The following WLS variants were observed in gnomAD, a reference collection of about 807,000 sequenced individuals.
WLS encodes the protein Wnt ligand secretion mediator.
In WLS, 23 loss-of-function variants were observed where a neutral mutation model predicts 62.8. That is an observed-to-expected ratio of 0.37 (90% confidence interval 0.26 to 0.52). The LOEUF (loss-of-function observed/expected upper bound fraction) is 0.52. WLS is among the 20% of genes least tolerant of loss of function. The pLI, the probability that WLS is intolerant of heterozygous loss-of-function variation, is 0.92. For missense variants in WLS, 615 were observed against 697.3 expected (o/e 0.88, Z 1.33); for synonymous variants, 246 against 244.1 (o/e 1.01, Z -0.07).
At chr1:68,113,394 A>G (rs934040403) in intron 11 of WLS, among the ~76,000 whole-genome samples, 2 of 152,118 alleles carry the variant, frequency 1.3e-5, no homozygotes, top group African/African-American at 2.4e-5. Context: ...GACCCTAGTA[A>G]TCTACTCATT....
chr1:68,129,734 C>G (rs933052459), intron 11 of WLS, among the ~76,000 whole-genome samples: 26 of 152,298 alleles, frequency 1.7e-4, no homozygotes, highest in African/African-American at 6.0e-4. Flanking sequence ...CTGCCAAGGT[C>G]TTGCTCCATC....
At chr1:68,141,597 A>G (rs1274687482) in intron 10 of WLS, 1 of 152,126 alleles carries the variant, frequency 6.6e-6, no homozygotes, top group Non-Finnish European at 1.5e-5. Flanking sequence ...CAGAGCTTCA[A>G]TATCCTGGCG....
intron 2 of WLS, chr1:68,162,456 G>A (rs1355307061): frequency 1.2e-6 from 2 of 1,613,834 alleles, no homozygotes; most frequent in Admixed American, 1.7e-5. Context: ...CATCCTGCAA[G>A]TAGGGGTCAT....
At chr1:68,197,593 C>T (rs915079340) in intron 1 of WLS, among the ~76,000 whole-genome samples, 1 of 152,068 alleles carries the variant, frequency 6.6e-6, no homozygotes, top group Non-Finnish European at 1.5e-5. Context: ...AGTTAATGTT[C>T]CCCCAATAAT....
intron 2 of WLS, among the ~76,000 whole-genome samples, chr1:68,191,986 C>T (rs1648335221): frequency 6.6e-6 from 1 of 152,142 alleles, no homozygotes; most frequent in Non-Finnish European, 1.5e-5. Context: ...TTTCCATATC[C>T]TCCTGGGCAT....
At chr1:68,102,182 G>A (rs112911388) in intron 11 of WLS, among the ~76,000 whole-genome samples, 2 of 152,316 alleles carry the variant, frequency 1.3e-5, no homozygotes, top group African/African-American at 4.8e-5. Context: ...TTCTCCTCCT[G>A]CATTCTTCCC....
rs1646325353 is a variant in WLS, at chr1:68,118,702, C to T, written c.1510+19078G>A. ...CAGCCTGGCCAACATGGTGAAACCC[C>T]ATCTCTACTAAAAATACAAAAAATT... On this transcript the variant is annotated intron_variant, in intron 11 of 11. Coordinates refer to the WLS transcript ENST00000354777. Among the ~76,000 whole-genome samples, 10 of 151,568 alleles carry T rather than the reference C, an allele frequency of 6.6e-5. No individual in the cohort carries two copies. The South Asian group carries it at 2.1e-3, about 32-fold the overall frequency.
At chr1:68,186,585 C>G in intron 2 of WLS, 2 of 455,778 alleles carry the variant, frequency 4.4e-6, no homozygotes, top group Non-Finnish European at 8.8e-6. Context: ...AAGCAGGAAG[C>G]CATCATGTGT....
chr1:68,102,557 G>A (rs1274337638), intron 11 of WLS: 1 of 152,138 alleles, frequency 6.6e-6, no homozygotes, highest in Non-Finnish European at 1.5e-5. Flanking sequence ...AAGGTCATCT[G>A]ATTGCAGGTC....
chr1:68,213,826 C>T (rs538851658), intron 1 of WLS, among the ~76,000 whole-genome samples: 73 of 152,228 alleles, frequency 4.8e-4, no homozygotes, highest in African/African-American at 1.7e-3. Flanking sequence ...CCTTCTGTAG[C>T]CCATGGCTAA....
At chr1:68,162,527 C>CA in intron 2 of WLS, 1 of 1,611,138 alleles carries the variant, frequency 6.2e-7, no homozygotes, top group Non-Finnish European at 8.5e-7. Context: ...CCCCTGCGAT[C>CA]AAAGCCGATG....
intron 1 of WLS, among the ~76,000 whole-genome samples, chr1:68,198,326 T>C (rs1248380676): frequency 6.6e-6 from 1 of 152,232 alleles, no homozygotes; most frequent in Non-Finnish European, 1.5e-5. Flanking sequence ...CAGTCCATTA[T>C]GAATTCAGTT....
chr1:68,196,904 A>G (rs549636957), intron 1 of WLS, among the ~76,000 whole-genome samples: 2 of 152,300 alleles, frequency 1.3e-5, no homozygotes, highest in African/African-American at 4.8e-5. Context: ...GCCCACTGAC[A>G]TTAGAAAAGC....
chr1:68,219,288 G>A (rs995483885), intron 1 of WLS, among the ~76,000 whole-genome samples: 1 of 152,158 alleles, frequency 6.6e-6, no homozygotes, highest in Non-Finnish European at 1.5e-5. Flanking sequence ...GTAGGCATAG[G>A]TAATGAAACT....
At chr1:68,106,563 C>T (rs914435232) in intron 11 of WLS, among the ~76,000 whole-genome samples, 7 of 152,328 alleles carry the variant, frequency 4.6e-5, no homozygotes, top group South Asian at 2.1e-4. Context: ...ATTCCAGAAA[C>T]GTGTCCCTTG....
chr1:68,115,229 T>C (rs964397685), intron 11 of WLS, among the ~76,000 whole-genome samples: 1 of 152,210 alleles, frequency 6.6e-6, no homozygotes, highest in Non-Finnish European at 1.5e-5. Flanking sequence ...AAGAGGTGGC[T>C]TAACCCTCTC....
intron 11 of WLS, among the ~76,000 whole-genome samples, chr1:68,118,712 A>G (rs964204295): frequency 1.3e-5 from 2 of 151,750 alleles, no homozygotes; most frequent in African/African-American, 4.8e-5. Context: ...CATCTCTACT[A>G]AAAATACAAA....
At chr1:68,182,320 C>A (rs1220667133) in intron 2 of WLS, among the ~76,000 whole-genome samples, 1 of 152,192 alleles carries the variant, frequency 6.6e-6, no homozygotes, top group Admixed American at 6.5e-5. Context: ...ATGTGCTTAA[C>A]AATAATCACA....
chr1:68,118,558 T>G (rs1383802026), intron 11 of WLS, among the ~76,000 whole-genome samples: 2 of 152,190 alleles, frequency 1.3e-5, no homozygotes, highest in Non-Finnish European at 2.9e-5. Flanking sequence ...TATTGTTTAC[T>G]GATCTGCCCC....
Sources: gnomAD v4.1 joint callset for allele counts (sites outside exome capture counted in the v4.1 genomes callset) on GRCh38, gnomAD v4.1.1 for gene constraint, MANE v1.5 for transcripts, NCBI Gene and HGNC (gene_info 2026-07-23, HGNC 2026-07-21) for gene names.